The following PATJ variants were observed in gnomAD, a reference collection of about 807,000 sequenced individuals.
PATJ encodes inaD-like protein.
In PATJ, 190 loss-of-function variants were observed where a neutral mutation model predicts 224.9. The ratio of observed to expected loss-of-function variants is 0.84; its 90% CI spans 0.75 to 0.95. The LOEUF (loss-of-function observed/expected upper bound fraction) is 0.95, where lower values mean the gene tolerates loss of function less well. Among genes scored for constraint, PATJ ranks in the 40% least tolerant of loss-of-function variants. The probability of loss-of-function intolerance (pLI) is 0.00; values close to 1 mark genes in which losing one functional copy is unlikely to be tolerated. For missense variants in PATJ, 2,121 were observed against 2,270.3 expected (o/e 0.93, Z 1.34); for synonymous variants, 769 against 820.3 (o/e 0.94, Z 1.07).
In PATJ at chr1:61,849,542, G is replaced by A. The variant is rs376932181; in HGVS notation, c.2113-6488G>A. Among the ~76,000 whole-genome samples, 23 of 152,298 alleles carry A rather than the reference G, an allele frequency of 1.5e-4. No homozygotes were observed. The South Asian group carries it at 4.1e-3, about 27-fold the overall frequency. On this transcript the variant is annotated intron_variant, in intron 17 of 43. Transcript: ENST00000642238. ...CAGGAGGTCGAGACTGCAGTGAGCCGTGATTGTGCCACTGCACTCAAGCCT... is the reference window on the plus strand; with the variant it reads ...CAGGAGGTCGAGACTGCAGTGAGCCATGATTGTGCCACTGCACTCAAGCCT...
At chr1:62,048,545 C>CAAAAAAAAAAAAAA (rs773157635) in intron 30 of PATJ, among the ~76,000 whole-genome samples, 38 of 66,182 alleles carry the variant, frequency 5.7e-4, no homozygotes, top group East Asian at 2.5e-3. Context: ...GACTCTGTCT[C>CAAAAAAAAAAAAAA]AAAAAAAAAA....
rs1274374838 is a variant in PATJ, at chr1:61,875,301, G to A, written c.2894G>A (p.Ser965Asn). ...LPSVPSTEGN[S>N]QQGRFDDLEN... ...TCTGTACCATCAACTGAAGGAAACA[G>A]TCAACAAGGCAGATTTGACGACCTG... The change falls in exon 21 of 44, where the codon AGT becomes AAT. Residue 965 changes from serine to asparagine, a missense_variant. Transcript: ENST00000642238. 5 of 1,610,096 alleles carry A rather than the reference G, an allele frequency of 3.1e-6. No individual in the cohort carries two copies. The highest frequency in any genetic ancestry group is 4.2e-6 in the Non-Finnish European group (5 of 1,176,844).
In PATJ at chr1:62,153,553, TTTGCTTTAC is replaced by T. The variant is rs967913316; in HGVS notation, c.5502+75_5502+83del. The T allele has an allele frequency of 5.9e-6, 6 of 1,019,502 alleles. 1 individual carries two copies. In the African/African-American group the frequency reaches 8.3e-5, roughly 14 times the overall value. The allele number at this position is 1,019,502 out of a possible 1,614,324, so 63.2% of individuals were successfully genotyped here. On this transcript the variant is annotated intron_variant, in intron 43 of 43. Coordinates refer to ENST00000642238, the MANE Select transcript of PATJ (RefSeq NM_001350145.3). ...GTGAGATTTCTTTTAAGTGCTTTGC[TTTGCTTTAC>T]TTTGGGTCAAACCTGGATGTGTGCA... is the stretch of plus-strand genomic sequence containing the variant.
chr1:62,103,883 T>TC (rs925398385), intron 33 of PATJ, among the ~76,000 whole-genome samples: 2 of 152,004 alleles, frequency 1.3e-5, no homozygotes, highest in African/African-American at 2.4e-5. Flanking sequence ...TTAACAGTCT[T>TC]CCCCCCAAGT....
intron 41 of PATJ, among the ~76,000 whole-genome samples, chr1:62,129,589 A>T (rs1666060830): frequency 6.6e-6 from 1 of 152,238 alleles, no homozygotes; most frequent in East Asian, 1.9e-4. Context: ...AGTGAGTTTC[A>T]TTAATGAGTT....
At chr1:61,843,898 T>TA (rs146364303) in intron 17 of PATJ, among the ~76,000 whole-genome samples, 17,760 of 152,128 alleles carry the variant, frequency 0.12, 1,200 homozygotes, top group South Asian at 0.25. Flanking sequence ...TACGAGCCAG[T>TA]ATGGAGACTA....
chr1:61,943,023 A>G (rs939144993), intron 27 of PATJ, among the ~76,000 whole-genome samples: 4 of 152,206 alleles, frequency 2.6e-5, no homozygotes, highest in African/African-American at 9.6e-5. Flanking sequence ...ATGTCCATCA[A>G]CTGGTGACAG....
chr1:61,883,737 C>T (rs1189092640), intron 21 of PATJ, among the ~76,000 whole-genome samples: 1 of 122,438 alleles, frequency 8.2e-6, no homozygotes, highest in African/African-American at 3.2e-5. Context: ...GCCTGGGCAA[C>T]AGAGAGAGAC....
chr1:61,930,299 G>A (rs1012425673), intron 27 of PATJ, among the ~76,000 whole-genome samples: 4 of 152,146 alleles, frequency 2.6e-5, no homozygotes, highest in East Asian at 1.9e-4. Context: ...TGGCCTTCCC[G>A]TATTTCCCTT....
At chr1:62,149,166 C>T (rs1424643871) in intron 42 of PATJ, among the ~76,000 whole-genome samples, 7 of 100,262 alleles carry the variant, frequency 7.0e-5, no homozygotes, top group Non-Finnish European at 1.2e-4. Flanking sequence ...ATCTAGGGAG[C>T]ATGTTTAAAG....
chr1:62,056,047 T>G (rs961910649), intron 31 of PATJ, among the ~76,000 whole-genome samples: 9 of 152,146 alleles, frequency 5.9e-5, no homozygotes, highest in African/African-American at 2.2e-4. Flanking sequence ...AATTCACCTT[T>G]CCTCTGCCTT....
chr1:61,743,391 T>G (rs1644861979), intron 1 of PATJ, among the ~76,000 whole-genome samples: 2 of 152,236 alleles, frequency 1.3e-5, no homozygotes, highest in African/African-American at 4.8e-5. Flanking sequence ...GTGGCTCTTG[T>G]CACTTTGAAT....
chr1:62,032,794 T>C (rs1570212978), intron 29 of PATJ, among the ~76,000 whole-genome samples: 1 of 152,104 alleles, frequency 6.6e-6, no homozygotes, highest in East Asian at 1.9e-4. Context: ...GACTGGGTAA[T>C]TTATAAAGGA....
chr1:61,982,685 G>GA (rs11312731), intron 27 of PATJ, among the ~76,000 whole-genome samples: 3 of 151,562 alleles, frequency 2.0e-5, no homozygotes, highest in Non-Finnish European at 2.9e-5. Flanking sequence ...ATTTGTTAGA[G>GA]AAAAAAAATT....
At chr1:62,092,088 T>A (rs1660811512) in intron 33 of PATJ, among the ~76,000 whole-genome samples, 1 of 146,142 alleles carries the variant, frequency 6.8e-6, no homozygotes, top group African/African-American at 2.5e-5. Flanking sequence ...TTAAATTAAG[T>A]GATTCAAGGC....
intron 16 of PATJ, among the ~76,000 whole-genome samples, chr1:61,830,847 G>T (rs1177580827): frequency 6.6e-6 from 1 of 152,044 alleles, no homozygotes. Flanking sequence ...ATTGAAACTG[G>T]ACCCCTTCCT....
intron 31 of PATJ, among the ~76,000 whole-genome samples, chr1:62,071,990 C>T (rs1040066014): frequency 6.6e-6 from 1 of 152,140 alleles, no homozygotes. Context: ...TCTCCTGTTC[C>T]CTGCTTTGTC....
At chr1:62,060,632 G>A (rs1655268298) in intron 31 of PATJ, among the ~76,000 whole-genome samples, 2 of 152,088 alleles carry the variant, frequency 1.3e-5, no homozygotes, top group South Asian at 4.2e-4. Flanking sequence ...GGTGGTAGGT[G>A]GGAGGGAGTG....
intron 22 of PATJ, among the ~76,000 whole-genome samples, chr1:61,888,158 G>A (rs560745098): frequency 9.3e-4 from 141 of 152,342 alleles, no homozygotes; most frequent in African/African-American, 3.3e-3. Context: ...GATATCCGGT[G>A]CAGCCTCTGG....
Sources: gnomAD v4.1 joint callset for allele counts (sites outside exome capture counted in the v4.1 genomes callset) on GRCh38, gnomAD v4.1.1 for gene constraint, MANE v1.5 for transcripts, NCBI Gene and HGNC (gene_info 2026-07-23, HGNC 2026-07-21) for gene names.